The following WDTC1 variants were observed in gnomAD, a reference collection of about 807,000 sequenced individuals.
WDTC1 encodes WD and tetratricopeptide repeats protein 1.
A neutral mutation model predicts 76.0 loss-of-function variants in WDTC1; 12 were observed. That is an observed-to-expected ratio of 0.16 (90% CI 0.10 to 0.26). The LOEUF (loss-of-function observed/expected upper bound fraction) is 0.26, where lower values mean the gene tolerates loss of function less well. WDTC1 is among the 10% of genes least tolerant of loss of function. The pLI is 1.00. For synonymous variants in WDTC1, 326 were observed against 350.8 expected (o/e 0.93, Z 0.79); for missense variants, 511 against 908.8 (o/e 0.56, Z 5.63).
intron 7 of WDTC1, 86 bp from the exon 8 acceptor site, chr1:27,293,936 A>G: frequency 7.7e-7 from 1 of 1,297,492 alleles, no homozygotes. Context: ...TCAGATACAA[A>G]TGTAAGTTTT....
At chr1:27,241,991 A>C (rs894762197) in intron 1 of WDTC1, among the ~76,000 whole-genome samples, 3 of 151,594 alleles carry the variant, frequency 2.0e-5, no homozygotes, top group Non-Finnish European at 2.9e-5. Flanking sequence ...TCCTGGGTTC[A>C]AGCGATTCTC....
chr1:27,287,546 C>G, intron 5 of WDTC1, 128 bp from the exon 6 acceptor site: 1 of 1,102,482 alleles, frequency 9.1e-7, no homozygotes, highest in South Asian at 1.6e-5. Context: ...GCCACCGCGC[C>G]CAGCCTGCAT....
chr1:27,262,797 A>C (rs1248173301), intron 2 of WDTC1, among the ~76,000 whole-genome samples: 1 of 152,112 alleles, frequency 6.6e-6, no homozygotes, highest in Non-Finnish European at 1.5e-5. Context: ...TGGAATCAGC[A>C]GGGGTTTTTT....
intron 1 of WDTC1, among the ~76,000 whole-genome samples, chr1:27,247,501 C>A (rs2011882744): frequency 6.6e-6 from 1 of 152,246 alleles, no homozygotes; most frequent in Non-Finnish European, 1.5e-5. Context: ...CAAGTAGGTT[C>A]CAGTGTCTGT....
chr1:27,292,736 A>G lies in WDTC1; in HGVS notation c.662+339A>G, dbSNP rs369403022. On this transcript the variant is annotated intron_variant, in intron 7 of 15. Transcript: ENST00000319394. The stretch of plus-strand genomic sequence containing the variant: ...GCCACTGTGCCTGGCCCCTTCTTTT[A>G]TTTATTTATTTATTGTTTTACTTTT... 3.6e-3 allele frequency among the ~76,000 whole-genome samples: 285 copies of G among 78,432 alleles called. 6 individuals carry two copies. The South Asian group carries it at 0.098, about 27-fold the overall frequency. 51.5% of individuals were successfully genotyped at this position (78,432 alleles called of 152,430 possible). A position where few individuals can be genotyped will look rare whatever the true frequency, so the allele number is the denominator to read the frequency against.
rs189522664 is a variant in WDTC1, at chr1:27,290,765, T to A, written c.480-1450T>A. On this transcript the variant is annotated intron_variant, in intron 6 of 15. Coordinates refer to ENST00000319394, the MANE Select transcript of WDTC1 (RefSeq NM_001276252.2). Reference sequence around the variant, plus strand: ...CCTGCTTTAATCTGTCTCCCTTGAGTTCCTGTAGGACTTTGTGCCCTCTTT... The same window carrying A: ...CCTGCTTTAATCTGTCTCCCTTGAGATCCTGTAGGACTTTGTGCCCTCTTT... Among the ~76,000 whole-genome samples, 191 of 152,352 alleles carry A rather than the reference T, an allele frequency of 1.3e-3. 2 individuals carry two copies. The highest frequency in any genetic ancestry group is 4.5e-3 in the African/African-American group (189 of 41,586).
chr1:27,237,390 G>A (rs1470663286), intron 1 of WDTC1, among the ~76,000 whole-genome samples: 1 of 152,156 alleles, frequency 6.6e-6, no homozygotes, highest in African/African-American at 2.4e-5. Flanking sequence ...TGGGTCACTG[G>A]TTTAGTTATC....
chr1:27,240,932 A>C (rs2011611763), intron 1 of WDTC1, among the ~76,000 whole-genome samples: 1 of 151,250 alleles, frequency 6.6e-6, no homozygotes, highest in African/African-American at 2.4e-5. Flanking sequence ...TTGAGATCGC[A>C]ACACTGTACT....
intron 13 of WDTC1, among the ~76,000 whole-genome samples, chr1:27,302,505 T>G (rs2013857695): frequency 6.6e-6 from 1 of 151,434 alleles, no homozygotes; most frequent in Admixed American, 6.6e-5. Flanking sequence ...GAGGCTGATG[T>G]GGGAAAATAG....
At chr1:27,294,367 C>A in intron 8 of WDTC1, 147 bp from the exon 9 acceptor site, 1 of 725,890 alleles carries the variant, frequency 1.4e-6, no homozygotes, top group Non-Finnish European at 2.3e-6. Context: ...AAGCAACTAG[C>A]CCAGTGCATA....
At chr1:27,246,568 C>CT (rs200841889) in intron 1 of WDTC1, among the ~76,000 whole-genome samples, 356 of 144,234 alleles carry the variant, frequency 2.5e-3, no homozygotes, top group African/African-American at 7.4e-3. Context: ...GTTTTCTTTC[C>CT]TTTTTTTTTT....
chr1:27,275,963 A>G (rs1456578553), intron 3 of WDTC1, among the ~76,000 whole-genome samples: 1 of 152,146 alleles, frequency 6.6e-6, no homozygotes, highest in African/African-American at 2.4e-5. Flanking sequence ...GGATTTTCCT[A>G]TTCTGAACAT....
At chr1:27,291,203 G>A (rs1356276880) in intron 6 of WDTC1, among the ~76,000 whole-genome samples, 3 of 152,214 alleles carry the variant, frequency 2.0e-5, no homozygotes, top group Non-Finnish European at 4.4e-5. Context: ...TGCAAAGGCA[G>A]AAATAAACAT....
chr1:27,277,305 T>C (rs2013059960), intron 3 of WDTC1, among the ~76,000 whole-genome samples: 1 of 152,208 alleles, frequency 6.6e-6, no homozygotes, highest in African/African-American at 2.4e-5. Context: ...AAGAGTTTTG[T>C]AGTTTTAGAT....
intron 1 of WDTC1, among the ~76,000 whole-genome samples, chr1:27,250,256 G>A (rs1477710224): frequency 6.6e-6 from 1 of 151,604 alleles, no homozygotes. Context: ...GTGCAATCTC[G>A]GCTCACTGCA....
At chr1:27,235,122 C>T (rs2011466809) in intron 1 of WDTC1, among the ~76,000 whole-genome samples, 171 bp downstream of exon 1, 1 of 149,758 alleles carries the variant, frequency 6.7e-6, no homozygotes, top group African/African-American at 2.5e-5. Context: ...CAGGCCTCGC[C>T]GGGGCGGAGG....
Position 27,263,144 on chromosome 1 carries a change from TC to T in WDTC1, c.49-4del. 6.2e-7 allele frequency: 1 copy of T among 1,613,248 alleles called. No homozygotes were observed. Among genetic ancestry groups the T allele is most frequent in the Non-Finnish European group, 8.5e-7 (1 of 1,179,656 alleles). ...CAATGAAATCACGAATTTGTTTCTG[TC>T]CCCTAGGAGCGGGGTGCCCTGAGCT... On this transcript the variant is annotated splice_region_variant and splice_polypyrimidine_tract_variant and intron_variant, in intron 2 of 15. Coordinates refer to ENST00000319394, the MANE Select transcript of WDTC1 (RefSeq NM_001276252.2).
At chr1:27,249,480 A>G (rs2011963376) in intron 1 of WDTC1, among the ~76,000 whole-genome samples, 1 of 152,090 alleles carries the variant, frequency 6.6e-6, no homozygotes, top group African/African-American at 2.4e-5. Flanking sequence ...ATTCCTTCTT[A>G]TGGCCAAATA....
intron 1 of WDTC1, among the ~76,000 whole-genome samples, chr1:27,251,077 G>A (rs2012039331): frequency 1.2e-5 from 1 of 86,538 alleles, no homozygotes; most frequent in African/African-American, 4.2e-5. Flanking sequence ...TTTTAGTAGA[G>A]ACAGGGTTTC....
Sources: gnomAD v4.1 joint callset for allele counts (sites outside exome capture counted in the v4.1 genomes callset) on GRCh38, gnomAD v4.1.1 for gene constraint, MANE v1.5 for transcripts, NCBI Gene and HGNC (gene_info 2026-07-23, HGNC 2026-07-21) for gene names.